The following AMN1 variants were observed in gnomAD, a reference collection of about 807,000 sequenced individuals.
The protein encoded by AMN1 is protein AMN1 homolog.
Under a neutral mutation model 33.0 loss-of-function variants are expected in AMN1, and 20 were observed. The ratio of observed to expected loss-of-function variants is 0.61; its 90% CI spans 0.43 to 0.88. The LOEUF (loss-of-function observed/expected upper bound fraction) is 0.88, where lower values mean the gene tolerates loss of function less well. AMN1 is among the 40% of genes least tolerant of loss of function. The pLI, the probability that AMN1 is intolerant of heterozygous loss-of-function variation, is 0.00. For synonymous variants in AMN1, 114 were observed against 111.9 expected (o/e 1.02, Z -0.12); for missense variants, 246 against 307.4 (o/e 0.80, Z 1.49).
intron 5 of AMN1, among the ~76,000 whole-genome samples, chr12:31,693,003 G>A (rs1039539741): frequency 2.0e-5 from 3 of 152,112 alleles, no homozygotes; most frequent in Non-Finnish European, 2.9e-5. Flanking sequence ...TTTCAGAAAC[G>A]ATCATGATAT....
At chr12:31,712,889 C>T (rs1262068367) in intron 1 of AMN1, among the ~76,000 whole-genome samples, 3 of 152,200 alleles carry the variant, frequency 2.0e-5, no homozygotes, top group East Asian at 1.9e-4. Context: ...CTCCTGACCT[C>T]GTGATCCACA....
chr12:31,705,886 T>C (rs1371373970), intron 2 of AMN1, among the ~76,000 whole-genome samples: 1 of 152,156 alleles, frequency 6.6e-6, no homozygotes. Context: ...CCTCCTACCT[T>C]GGTGCTGTCA....
chr12:31,678,506 C>T (rs538670113), intron 6 of AMN1, among the ~76,000 whole-genome samples: 70 of 152,112 alleles, frequency 4.6e-4, no homozygotes, highest in African/African-American at 1.5e-3. Flanking sequence ...AAGTGACTCT[C>T]CTGCCTCAGT....
chr12:31,718,743 T>C (rs1453286509), intron 1 of AMN1, among the ~76,000 whole-genome samples: 1 of 152,268 alleles, frequency 6.6e-6, no homozygotes, highest in Non-Finnish European at 1.5e-5. Context: ...TAGACCTGTC[T>C]GCTGCCTTTT....
chr12:31,698,106 T>C (rs1308430497), intron 3 of AMN1, 149 bp from the exon 4 acceptor site: 2 of 704,164 alleles, frequency 2.8e-6, no homozygotes, highest in East Asian at 2.7e-5. Context: ...GATTTTCCAG[T>C]GATACTGTCA....
intron 5 of AMN1, among the ~76,000 whole-genome samples, chr12:31,696,742 C>G (rs985447003): frequency 1.3e-5 from 2 of 151,958 alleles, no homozygotes; most frequent in Admixed American, 6.6e-5. Context: ...GCCTGGCCAA[C>G]ACGGTGAAAC....
intron 6 of AMN1, among the ~76,000 whole-genome samples, chr12:31,676,215 GA>G (rs1327703231): frequency 4.0e-5 from 6 of 151,588 alleles, no homozygotes; most frequent in Non-Finnish European, 7.4e-5. Context: ...ATCCAAACCA[GA>G]AGGCTTAATA....
intron 6 of AMN1, chr12:31,673,257 GAA>G (rs765261991): frequency 3.4e-5 from 4 of 118,484 alleles, no homozygotes; most frequent in East Asian, 2.3e-4. Context: ...CAGACCAGTA[GAA>G]AAAAAAAAAA....
At chr12:31,727,018 GCTAA>G (rs777979978) in intron 1 of AMN1, among the ~76,000 whole-genome samples, 1 of 151,680 alleles carries the variant, frequency 6.6e-6, no homozygotes, top group Non-Finnish European at 1.5e-5. Flanking sequence ...TATGAGATTG[GCTAA>G]CTTTTTATTT....
intron 6 of AMN1, among the ~76,000 whole-genome samples, chr12:31,678,394 CTT>C (rs71062449): frequency 0.03 from 4,349 of 146,338 alleles, 72 homozygotes; most frequent in Middle Eastern, 0.056. Flanking sequence ...GAAATACAAA[CTT>C]TTTTTTTTTT....
chr12:31,715,342 G>C (rs1424193953), intron 1 of AMN1: 1 of 216,244 alleles, frequency 4.6e-6, no homozygotes, highest in African/African-American at 2.3e-5. Context: ...GAACAAATTA[G>C]TCAGCTTCAG....
intron 5 of AMN1, among the ~76,000 whole-genome samples, chr12:31,694,164 G>A (rs1349921939): frequency 1.3e-5 from 2 of 151,314 alleles, no homozygotes. Context: ...AATTAGGGCT[G>A]GGTGCGGTGG....
Position 31,697,394 on chromosome 12 carries a change from T to C in AMN1, c.558A>G (p.Ala186=), listed in dbSNP as rs771352182. ...ATQVSDSGVI[A]LVSGPCAKKL... ...TCTTCGCACAAGGTCCACTAACAAG[T>C]GCAATCACACCACTGTCAGATACCT... Residue 186 remains alanine (A), a synonymous_variant, in exon 5 of 7, where the codon GCA becomes GCG. Transcript: ENST00000281471. 6.8e-6 allele frequency: 11 copies of C among 1,613,130 alleles called. No homozygotes were observed. The highest frequency in any genetic ancestry group is 1.7e-4 in the Middle Eastern group (1 of 6,058).
intron 2 of AMN1, among the ~76,000 whole-genome samples, chr12:31,705,889 T>G (rs2139702290): frequency 6.6e-6 from 1 of 152,294 alleles, no homozygotes; most frequent in South Asian, 2.1e-4. Context: ...CCTACCTTGG[T>G]GCTGTCAATC....
At chr12:31,704,220 A>G (rs894848329) in intron 2 of AMN1, among the ~76,000 whole-genome samples, 1 of 152,160 alleles carries the variant, frequency 6.6e-6, no homozygotes, top group African/African-American at 2.4e-5. Context: ...GTTTCTCCAC[A>G]CTATTGCTAA....
chr12:31,683,609 T>G lies in AMN1; in HGVS notation c.703+5398A>C, dbSNP rs1283314784. ...ATAAGTCTCATGAGATCTGATGGTT[T>G]TAAAAGGGGAAACCCCTTCTCTTGG... On this transcript the variant is annotated intron_variant, in intron 6 of 6. Coordinates refer to ENST00000281471, the MANE Select transcript of AMN1 (RefSeq NM_001113402.2). The surrounding 1 kb of genome is among the most constrained non-coding windows in gnomAD (Gnocchi z 4.1). Among the ~76,000 whole-genome samples, 1 of 152,160 alleles carries G rather than the reference T, an allele frequency of 6.6e-6. No homozygotes were observed. The highest frequency in any genetic ancestry group is 1.5e-5 in the Non-Finnish European group (1 of 68,030).
intron 1 of AMN1, 148 bp from the exon 2 acceptor site, chr12:31,709,573 C>T (rs1939389885): frequency 2.1e-6 from 2 of 932,302 alleles, no homozygotes; most frequent in Non-Finnish European, 1.5e-6. Flanking sequence ...AATCCCAACA[C>T]TTTGGGAAGC....
chr12:31,684,768 G>A (rs1246492557), intron 6 of AMN1, among the ~76,000 whole-genome samples: 1 of 152,118 alleles, frequency 6.6e-6, no homozygotes, highest in Non-Finnish European at 1.5e-5. Context: ...ACCGCGCCCG[G>A]CCTGGGATCC....
At chr12:31,728,926 A>C in intron 1 of AMN1, 45 bp downstream of exon 1, 4 of 1,529,360 alleles carry the variant, frequency 2.6e-6, no homozygotes, top group Non-Finnish European at 3.5e-6. Flanking sequence ...CGTTTGGAGG[A>C]GGTGCTGGGG....
Sources: gnomAD v4.1 joint callset for allele counts (sites outside exome capture counted in the v4.1 genomes callset) on GRCh38, gnomAD v4.1.1 for gene constraint, Gnocchi (gnomAD v3.1) non-coding constraint, MANE v1.5 for transcripts, NCBI Gene and HGNC (gene_info 2026-07-23, HGNC 2026-07-21) for gene names.